The following NR1H4 variants were observed in gnomAD, a reference collection of about 807,000 sequenced individuals.
NR1H4 encodes the protein bile acid receptor.
NR1H4 carries 23 observed loss-of-function variants against 58.5 expected under a neutral mutation model. The ratio of observed to expected loss-of-function variants is 0.39; its 90% CI spans 0.28 to 0.56. NR1H4 has a LOEUF of 0.56. Among genes scored for constraint, NR1H4 ranks in the 20% least tolerant of loss-of-function variants. The probability of loss-of-function intolerance (pLI) is 0.58; values close to 1 mark genes in which losing one functional copy is unlikely to be tolerated. For synonymous variants in NR1H4, 214 were observed against 198.0 expected (o/e 1.08, Z -0.68); for missense variants, 487 against 576.9 (o/e 0.84, Z 1.60).
Position 100,539,444 on chromosome 12 carries a change from T to C in NR1H4, c.932-1228T>C, listed in dbSNP as rs566308633. The stretch of plus-strand genomic sequence containing the variant: ...TGAGGGCAATAAGACAGGGCCCCTT[T>C]CCTCAAAGAAGCTCTTAGATTCTCT... On this transcript the variant is annotated intron_variant, in intron 8 of 10. Transcript: ENST00000392986. 3.3e-5 allele frequency among the ~76,000 whole-genome samples: 5 copies of C among 152,262 alleles called. No homozygotes were observed. In the South Asian group the frequency reaches 1.0e-3, roughly 32 times the overall value.
chr12:100,511,059 A>T lies in NR1H4; in HGVS notation c.361A>T (p.Ile121Phe). The change falls in exon 4 of 11, where the codon ATC becomes TTC. Residue 121 changes from isoleucine (I) to phenylalanine (F), a missense_variant. Physicochemically the swap from Ile to Phe is conservative, Grantham distance 21 (BLOSUM62 0). Coordinates refer to ENST00000392986, the MANE Select transcript of NR1H4 (RefSeq NM_001206979.2). Reference protein sequence around the residue: ...KPRMGASAGRIKGDELCVVCG... With the variant: ...KPRMGASAGRFKGDELCVVCG... ...CCGCATGGGCGCGTCAGCAGGGAGG[A>T]TCAAAGGGGATGAGCTGTGTGTTGT... The T allele has an allele frequency of 5.6e-6, 9 of 1,614,234 alleles. No individual in the cohort carries two copies. Among genetic ancestry groups the T allele is most frequent in the Non-Finnish European group, 7.6e-6 (9 of 1,180,044 alleles).
At chr12:100,487,607 T>TTG (rs1291983545) in intron 1 of NR1H4, among the ~76,000 whole-genome samples, 46 of 147,512 alleles carry the variant, frequency 3.1e-4, no homozygotes, top group Non-Finnish European at 7.5e-5. Flanking sequence ...TTTTTTTTTT[T>TTG]TTTTTTTGAG....
intron 9 of NR1H4, among the ~76,000 whole-genome samples, chr12:100,545,304 A>G (rs1333372500): frequency 6.6e-6 from 1 of 151,962 alleles, no homozygotes; most frequent in Non-Finnish European, 1.5e-5. Flanking sequence ...GTCTTCCAAA[A>G]AAGTTTACAA....
chr12:100,526,169 T>A (rs1279841654), intron 4 of NR1H4, among the ~76,000 whole-genome samples: 1 of 150,238 alleles, frequency 6.7e-6, no homozygotes, highest in Non-Finnish European at 1.5e-5. Flanking sequence ...TTCAATTTCA[T>A]TGATCTCTGC....
In NR1H4 at chr12:100,540,788, G is replaced by C. The variant is rs1330419808; in HGVS notation, c.1048G>C (p.Asp350His). 2 of 1,614,148 alleles carry C rather than the reference G, an allele frequency of 1.2e-6. No individual in the cohort carries two copies. Among genetic ancestry groups the C allele is most frequent in the Non-Finnish European group, 1.7e-6 (2 of 1,179,996 alleles). ...FNKKLPSGHSDLLEERIRNSG... is the reference protein window; with the variant it reads ...FNKKLPSGHSHLLEERIRNSG... The stretch of plus-strand genomic sequence containing the variant: ...TAAGAAACTTCCGTCTGGGCATTCT[G>C]ACCTATTGGAAGAAAGAATTCGAAA... The change falls in exon 9 of 11, where the codon GAC becomes CAC. Residue 350 changes from aspartate (D) to histidine (H), a missense_variant. Physicochemically the swap from Asp to His is moderately conservative, Grantham distance 81 (BLOSUM62 -1). Coordinates refer to ENST00000392986, the MANE Select transcript of NR1H4 (RefSeq NM_001206979.2).
At chr12:100,556,879 G>T (rs1201731824) in intron 9 of NR1H4, among the ~76,000 whole-genome samples, 1 of 152,166 alleles carries the variant, frequency 6.6e-6, no homozygotes, top group African/African-American at 2.4e-5. Flanking sequence ...CGGAAGGGAT[G>T]GGTGTAATTA....
intron 4 of NR1H4, among the ~76,000 whole-genome samples, chr12:100,530,308 A>G (rs554958427): frequency 2.6e-4 from 40 of 152,152 alleles, no homozygotes; most frequent in Non-Finnish European, 5.1e-4. Context: ...AACTCTCTGT[A>G]CCTTTTTTTC....
intron 3 of NR1H4, among the ~76,000 whole-genome samples, chr12:100,498,751 C>T (rs535312511): frequency 1.1e-3 from 169 of 152,226 alleles, no homozygotes; most frequent in African/African-American, 3.6e-3. Flanking sequence ...TCTTGTATTG[C>T]TTTTATTATT....
At chr12:100,498,746 T>C (rs568006905) in intron 3 of NR1H4, among the ~76,000 whole-genome samples, 4 of 152,310 alleles carry the variant, frequency 2.6e-5, no homozygotes, top group Admixed American at 2.6e-4. Context: ...CCACGTCTTG[T>C]ATTGCTTTTA....
At chr12:100,533,675 C>A (rs1443808414) in intron 5 of NR1H4, among the ~76,000 whole-genome samples, 2 of 152,158 alleles carry the variant, frequency 1.3e-5, no homozygotes, top group East Asian at 3.8e-4. Context: ...CCAGCTGGAG[C>A]GCTGAGGACA....
At chr12:100,527,093 A>G (rs970130585) in intron 4 of NR1H4, among the ~76,000 whole-genome samples, 31 of 152,348 alleles carry the variant, frequency 2.0e-4, no homozygotes, top group African/African-American at 7.5e-4. Flanking sequence ...ATCATTTATG[A>G]ACTCAAACTG....
At chr12:100,518,479 G>A (rs1351106248) in intron 4 of NR1H4, among the ~76,000 whole-genome samples, 53 of 152,162 alleles carry the variant, frequency 3.5e-4, no homozygotes, top group Admixed American at 3.3e-3. Context: ...GATTTGAGAC[G>A]TTGCCCCCAT....
At chr12:100,531,565 C>A (rs573198874) in intron 4 of NR1H4, among the ~76,000 whole-genome samples, 1 of 152,346 alleles carries the variant, frequency 6.6e-6, no homozygotes, top group Non-Finnish European at 1.5e-5. Context: ...ATGCACAAAC[C>A]AGCTTACAGA....
At chr12:100,487,570 A>C in intron 1 of NR1H4, among the ~76,000 whole-genome samples, 1 of 139,964 alleles carries the variant, frequency 7.1e-6, no homozygotes, top group Non-Finnish European at 1.6e-5. Context: ...TCTTTTCTTT[A>C]CCTGCTCTGA....
chr12:100,558,020 G>A (rs955051996), intron 9 of NR1H4, among the ~76,000 whole-genome samples: 1 of 152,116 alleles, frequency 6.6e-6, no homozygotes, highest in Admixed American at 6.5e-5. Context: ...ATGCACAGAA[G>A]TGGCACTAAG....
chr12:100,545,662 AAAAAAAACC>A lies in NR1H4; in HGVS notation c.1078+4848_1078+4856del, dbSNP rs1336914406. On this transcript the variant is annotated intron_variant, in intron 9 of 10. Transcript: ENST00000392986. Reference sequence around the variant, plus strand: ...GTCTCAAAAAAAAAAAAAAAAAAAAAAAAAAAACCAAACGGGGGGCATATATGCGTAATG... The same window carrying A: ...GTCTCAAAAAAAAAAAAAAAAAAAAAAAACGGGGGGCATATATGCGTAATG... Among the ~76,000 whole-genome samples, 7 of 140,686 alleles carry A rather than the reference AAAAAAAACC, an allele frequency of 5.0e-5. 1 individual carries two copies. The highest frequency in any genetic ancestry group is 1.9e-4 in the African/African-American group (6 of 32,388). 92.3% of individuals were successfully genotyped at this position (140,686 alleles called of 152,430 possible). A position where few individuals can be genotyped will look rare whatever the true frequency, so the allele number is the denominator to read the frequency against.
chr12:100,482,975 GA>G (rs1405368065), intron 1 of NR1H4, among the ~76,000 whole-genome samples: 1 of 152,130 alleles, frequency 6.6e-6, no homozygotes, highest in Non-Finnish European at 1.5e-5. Context: ...CACAAGACTG[GA>G]GTGTAGTGGC....
rs879487220 is a variant in NR1H4, at chr12:100,497,676, G to C, written c.79+4274G>C. ...GGAGATCCTGCAAGCCAGGAAGCTTGGTCAAAGATTAATTTAGTGGATTAA... is the reference window on the plus strand; with the variant it reads ...GGAGATCCTGCAAGCCAGGAAGCTTCGTCAAAGATTAATTTAGTGGATTAA... On this transcript the variant is annotated intron_variant, in intron 3 of 10. Coordinates refer to ENST00000392986, the MANE Select transcript of NR1H4 (RefSeq NM_001206979.2). Among the ~76,000 whole-genome samples, 14 of 152,172 alleles carry C rather than the reference G, an allele frequency of 9.2e-5. 1 individual carries two copies. Among genetic ancestry groups the C allele is most frequent in the Admixed American group, 8.5e-4 (13 of 15,278 alleles).
At chr12:100,478,671 C>T (rs1208900105) in intron 1 of NR1H4, among the ~76,000 whole-genome samples, 1 of 152,194 alleles carries the variant, frequency 6.6e-6, no homozygotes, top group Non-Finnish European at 1.5e-5. Context: ...GTTCATTTAG[C>T]CATTCCACTG....
Sources: allele counts gnomAD v4.1 joint callset (sites outside exome capture counted in the v4.1 genomes callset), GRCh38; gene constraint gnomAD v4.1.1; transcripts MANE v1.5; gene names NCBI Gene and HGNC (gene_info 2026-07-23, HGNC 2026-07-21).